Variants in PRPSAP2 observed in about 807,000 individuals in gnomAD.
PRPSAP2 encodes the protein phosphoribosyl pyrophosphate synthase-associated protein 2.
A neutral mutation model predicts 40.6 loss-of-function variants in PRPSAP2; 24 were observed. The ratio of observed to expected loss-of-function variants is 0.59; its 90% CI spans 0.43 to 0.83. The LOEUF is 0.83. Ranked by LOEUF, PRPSAP2 falls within the 40% of genes least tolerant of loss-of-function variation. PRPSAP2 has a pLI of 0.00. For missense variants in PRPSAP2, 292 were observed against 465.6 expected, an observed-to-expected ratio of 0.63 and a Z score of 3.43; for synonymous variants, 149 against 164.7, an observed-to-expected ratio of 0.90 and a Z score of 0.73.
At chr17:18,872,084 C>T (rs1215314935) in intron 4 of PRPSAP2, among the ~76,000 whole-genome samples, 7 of 152,040 alleles carry the variant, frequency 4.6e-5, no homozygotes, top group African/African-American at 1.7e-4. Flanking sequence ...TCCTGGCTAA[C>T]ATGGTGAAAC....
At chr17:18,862,118 C>T (rs892563085) in intron 1 of PRPSAP2, among the ~76,000 whole-genome samples, 1 of 152,178 alleles carries the variant, frequency 6.6e-6, no homozygotes, top group African/African-American at 2.4e-5. Context: ...GAACTTCTGA[C>T]CTCAGGTAAT....
At position 18,919,313 on chromosome 17, in the gene PRPSAP2, A is replaced by T. The variant is rs7215146; in HGVS notation, c.734-4601A>T. 2.4e-3 allele frequency among the ~76,000 whole-genome samples: 360 copies of T among 152,214 alleles called. 1 individual carries two copies. The highest frequency in any genetic ancestry group is 3.9e-3 in the Non-Finnish European group (262 of 68,020). ...CATGAGGTCAGGAGTTCAAGATCAAACTGACCAAGATGGCGAAACGCTGTC... is the reference window on the plus strand; with the variant it reads ...CATGAGGTCAGGAGTTCAAGATCAATCTGACCAAGATGGCGAAACGCTGTC... On this transcript the variant is annotated intron_variant, in intron 9 of 11. Coordinates refer to ENST00000268835, the MANE Select transcript of PRPSAP2 (RefSeq NM_002767.4).
At chr17:18,907,100 G>A (rs1055842902) in intron 8 of PRPSAP2, among the ~76,000 whole-genome samples, 3 of 151,986 alleles carry the variant, frequency 2.0e-5, no homozygotes, top group African/African-American at 7.3e-5. Context: ...ATTCTTGTAA[G>A]CAGTTAGTTA....
At chr17:18,883,539 C>T (rs929668299) in intron 7 of PRPSAP2, among the ~76,000 whole-genome samples, 3 of 151,698 alleles carry the variant, frequency 2.0e-5, no homozygotes, top group Non-Finnish European at 4.4e-5. Flanking sequence ...AGGCATGCGC[C>T]AACACAGCTG....
intron 3 of PRPSAP2, among the ~76,000 whole-genome samples, chr17:18,866,963 G>A (rs568351181): frequency 6.6e-6 from 1 of 152,164 alleles, no homozygotes; most frequent in South Asian, 2.1e-4. Context: ...AGAGGGGACA[G>A]CAGATTCCAA....
chr17:18,928,722 A>T (rs1171565092), intron 10 of PRPSAP2, 89 bp from the exon 11 acceptor site: 3 of 1,556,568 alleles, frequency 1.9e-6, no homozygotes, highest in Admixed American at 1.7e-5. Flanking sequence ...TTCACGGTAA[A>T]TGTAGGCAGA....
At position 18,877,687 on chromosome 17, in the gene PRPSAP2, C is replaced by G. The variant is rs2038405361; in HGVS notation, c.240-11C>G. On this transcript the variant is annotated splice_polypyrimidine_tract_variant and intron_variant, in intron 5 of 11. Transcript: ENST00000268835. Reference sequence around the variant, plus strand: ...GATCCCTTGATGAGATTTGCTGTGTCTTTGTTACAGGGACGTGAACACCAC... The same window carrying G: ...GATCCCTTGATGAGATTTGCTGTGTGTTTGTTACAGGGACGTGAACACCAC... 6.3e-7 allele frequency: 1 copy of G among 1,596,160 alleles called. No homozygotes were observed. The highest frequency in any genetic ancestry group is 1.8e-5 in the Admixed American group (1 of 55,812).
intron 5 of PRPSAP2, among the ~76,000 whole-genome samples, chr17:18,875,990 G>T (rs1035959139): frequency 6.6e-6 from 1 of 152,174 alleles, no homozygotes; most frequent in South Asian, 2.1e-4. Flanking sequence ...AAAATTAGCC[G>T]GGCATGGTGG....
intron 11 of PRPSAP2, among the ~76,000 whole-genome samples, chr17:18,929,986 G>A (rs995285074): frequency 1.3e-5 from 2 of 152,150 alleles, no homozygotes; most frequent in Non-Finnish European, 2.9e-5. Flanking sequence ...GTGAGTTGGG[G>A]GGGGGCTCCA....
At chr17:18,926,267 A>ATTTTT (rs1567756664) in intron 10 of PRPSAP2, among the ~76,000 whole-genome samples, 1 of 131,990 alleles carries the variant, frequency 7.6e-6, no homozygotes, top group African/African-American at 2.7e-5. Context: ...TTATTTATTT[A>ATTTTT]TTTCTATTTT....
intron 4 of PRPSAP2, among the ~76,000 whole-genome samples, chr17:18,870,075 C>G (rs934540118): frequency 2.6e-5 from 4 of 152,086 alleles, no homozygotes; most frequent in Admixed American, 6.6e-5. Context: ...TCTCAAACTT[C>G]TGACCTCAAA....
intron 8 of PRPSAP2, chr17:18,908,165 A>T (rs2040717199): frequency 4.0e-6 from 2 of 502,426 alleles, no homozygotes; most frequent in South Asian, 4.1e-5. Context: ...TCTCAACAAC[A>T]AAAAAAAGCC....
intron 8 of PRPSAP2, among the ~76,000 whole-genome samples, chr17:18,901,791 T>A (rs568271599): frequency 6.6e-6 from 1 of 152,004 alleles, no homozygotes; most frequent in Admixed American, 6.6e-5. Flanking sequence ...TTGATACTTT[T>A]TTTTCCTTGA....
At chr17:18,929,385 T>TAATAATAATAAC (rs1555566554) in intron 11 of PRPSAP2, among the ~76,000 whole-genome samples, 1 of 150,904 alleles carries the variant, frequency 6.6e-6, no homozygotes, top group African/African-American at 2.4e-5. Flanking sequence ...ATAATAATAA[T>TAATAATAATAAC]AATAATGTGT....
At chr17:18,877,594 C>T in intron 5 of PRPSAP2, 104 bp from the exon 6 acceptor site, 1 of 1,133,276 alleles carries the variant, frequency 8.8e-7, no homozygotes, top group Non-Finnish European at 1.2e-6. Flanking sequence ...TGCCTTGCAC[C>T]TTAGGTTGTA....
At chr17:18,868,422 C>G (rs946903166) in intron 4 of PRPSAP2, among the ~76,000 whole-genome samples, 3 of 151,346 alleles carry the variant, frequency 2.0e-5, no homozygotes, top group Non-Finnish European at 2.9e-5. Flanking sequence ...TTGCAGTGAG[C>G]CAAGATTGTG....
At chr17:18,886,923 T>TTTC (rs1232913216) in intron 7 of PRPSAP2, among the ~76,000 whole-genome samples, 17 of 141,636 alleles carry the variant, frequency 1.2e-4, no homozygotes, top group African/African-American at 4.0e-4. Context: ...TAATTTTTCT[T>TTTC]TTCTTCTTTT....
Position 18,892,719 on chromosome 17 carries a change from G to T in PRPSAP2, c.584+2842G>T, listed in dbSNP as rs1362404928. 4.5e-3 allele frequency among the ~76,000 whole-genome samples: 412 copies of T among 90,884 alleles called. 2 individuals are homozygous for T. The highest frequency in any genetic ancestry group is 0.012 in the Middle Eastern group (2 of 170). 59.6% of individuals were successfully genotyped at this position (90,884 alleles called of 152,430 possible). A position where few individuals can be genotyped will look rare whatever the true frequency, so the allele number is the denominator to read the frequency against. ...TGTGTGTGTGTGTGTGTGTGTGTGT[G>T]TGTGTGTGTATTTATTTATTTATTT... On this transcript the variant is annotated intron_variant, in intron 8 of 11. Coordinates refer to ENST00000268835, the MANE Select transcript of PRPSAP2 (RefSeq NM_002767.4).
At chr17:18,872,227 C>T (rs1290356415) in intron 4 of PRPSAP2, among the ~76,000 whole-genome samples, 2 of 150,164 alleles carry the variant, frequency 1.3e-5, no homozygotes, top group South Asian at 2.1e-4. Context: ...GAGCCAAGAT[C>T]GCACCACTGC....
Sources: allele counts gnomAD v4.1 joint callset (sites outside exome capture counted in the v4.1 genomes callset), GRCh38; gene constraint gnomAD v4.1.1; transcripts MANE v1.5; gene names NCBI Gene and HGNC (gene_info 2026-07-23, HGNC 2026-07-21).